The following DOCK2 variants were observed in gnomAD, a reference collection of about 807,000 sequenced individuals.
The protein encoded by DOCK2 is dedicator of cytokinesis protein 2.
DOCK2 carries 87 observed loss-of-function variants against 248.9 expected under a neutral mutation model. The ratio of observed to expected loss-of-function variants is 0.35; its 90% CI spans 0.29 to 0.42. DOCK2 has a LOEUF of 0.42. DOCK2 is among the 10% of genes least tolerant of loss of function. DOCK2 has a pLI of 1.00. For missense variants in DOCK2, 1,747 were observed against 2,300.2 expected, an observed-to-expected ratio of 0.76 and a Z score of 4.92; for synonymous variants, 805 against 821.6, an observed-to-expected ratio of 0.98 and a Z score of 0.35.
chr5:170,079,951 C>T, intron 49 of DOCK2: 5 of 620,878 alleles, frequency 8.1e-6, no homozygotes, highest in Non-Finnish European at 1.3e-5. Context: ...TGAATGTCCG[C>T]CACCCCCGCC....
At chr5:169,913,000 G>A (rs1774692687) in intron 27 of DOCK2, among the ~76,000 whole-genome samples, 1 of 152,094 alleles carries the variant, frequency 6.6e-6, no homozygotes, top group African/African-American at 2.4e-5. Context: ...TGATTTCTTG[G>A]TAGTAAATTG....
rs881312 is a variant in DOCK2, at chr5:169,694,623, A to C, written c.844-1180A>C. ...ACTTCAGAGATGTGAGAGATTGAATATGGTGATGCAGGAATCACTTAGCAC... is the reference window on the plus strand; with the variant it reads ...ACTTCAGAGATGTGAGAGATTGAATCTGGTGATGCAGGAATCACTTAGCAC... On this transcript the variant is annotated intron_variant, in intron 9 of 51. Transcript: ENST00000520908. 3.2e-4 allele frequency among the ~76,000 whole-genome samples: 48 copies of C among 152,340 alleles called. No individual in the cohort carries two copies. In the East Asian group the frequency reaches 9.1e-3, roughly 29 times the overall value.
At chr5:169,806,302 GTTAA>G (rs1159758426) in intron 26 of DOCK2, among the ~76,000 whole-genome samples, 1 of 93,162 alleles carries the variant, frequency 1.1e-5, no homozygotes, top group African/African-American at 3.5e-5. Flanking sequence ...ACCACACTTG[GTTAA>G]TTAGTTAATT....
chr5:170,035,312 A>C (rs1756286371), intron 35 of DOCK2, among the ~76,000 whole-genome samples: 1 of 151,920 alleles, frequency 6.6e-6, no homozygotes, highest in Non-Finnish European at 1.5e-5. Context: ...CATCACATCA[A>C]CCTCCCTACC....
rs149941920 is a variant in DOCK2, at chr5:169,775,718, G to A, written c.2554+14093G>A. ...GCCAGAATTCAGTGGAAACAGGGCT[G>A]TTGGAACATTGGGGACAGTTTTATG... On this transcript the variant is annotated intron_variant, in intron 25 of 51. Transcript: ENST00000520908. Among the ~76,000 whole-genome samples, 79 of 152,198 alleles carry A rather than the reference G, an allele frequency of 5.2e-4. 1 individual carries two copies. Among genetic ancestry groups the A allele is most frequent in the Middle Eastern group, 6.8e-3 (2 of 294 alleles).
chr5:169,788,775 T>C lies in DOCK2; in HGVS notation c.2555-14283T>C, dbSNP rs191968273. 1.1e-4 allele frequency among the ~76,000 whole-genome samples: 17 copies of C among 152,314 alleles called. No individual in the cohort carries two copies. The East Asian group carries it at 2.1e-3, about 19-fold the overall frequency. Reference sequence around the variant, plus strand: ...ATGTGCAAAATTACTTGCAATTTCATAGGAGTACAATTGTAGATTCATGTT... The same window carrying C: ...ATGTGCAAAATTACTTGCAATTTCACAGGAGTACAATTGTAGATTCATGTT... On this transcript the variant is annotated intron_variant, in intron 25 of 51. Coordinates refer to ENST00000520908, the MANE Select transcript of DOCK2 (RefSeq NM_004946.3).
chr5:169,640,186 T>C (rs1757074860), intron 1 of DOCK2, among the ~76,000 whole-genome samples: 10 of 152,250 alleles, frequency 6.6e-5, no homozygotes, highest in Admixed American at 5.2e-4. Context: ...TCTGAGACAC[T>C]GATGACTGGG....
In DOCK2 at chr5:169,743,761, C is replaced by G. The variant is rs557602343; in HGVS notation, c.2268-3635C>G. Among the ~76,000 whole-genome samples the G allele has an allele frequency of 8.6e-5, 13 of 150,928 alleles. No individual in the cohort carries two copies. In the South Asian group the frequency reaches 2.7e-3, roughly 31 times the overall value. On this transcript the variant is annotated intron_variant, in intron 22 of 51. Transcript: ENST00000520908. ...TAGTCATGTCCTGTGACTCTTCTTC[C>G]CATTCCCAGCCATTCTTCAGCTAAA...
At chr5:169,653,660 G>A (rs1007781041) in intron 1 of DOCK2, among the ~76,000 whole-genome samples, 1 of 152,176 alleles carries the variant, frequency 6.6e-6, no homozygotes, top group African/African-American at 2.4e-5. Flanking sequence ...AGCCTCCTGT[G>A]GCCCCCATGC....
intron 2 of DOCK2, among the ~76,000 whole-genome samples, chr5:169,664,987 T>G (rs549500718): frequency 6.8e-6 from 1 of 147,868 alleles, no homozygotes; most frequent in African/African-American, 2.5e-5. Flanking sequence ...TATCTATATA[T>G]GTTTATATAT....
At chr5:169,800,070 G>A (rs1766874920) in intron 25 of DOCK2, among the ~76,000 whole-genome samples, 1 of 152,122 alleles carries the variant, frequency 6.6e-6, no homozygotes, top group Admixed American at 6.5e-5. Context: ...CTCCCAAAGT[G>A]CTGCAATTAT....
chr5:169,869,403 A>T (rs1771797802), intron 27 of DOCK2, among the ~76,000 whole-genome samples: 1 of 152,260 alleles, frequency 6.6e-6, no homozygotes, highest in Non-Finnish European at 1.5e-5. Flanking sequence ...AATATGGAGA[A>T]GTGTGTGTGC....
intron 27 of DOCK2, among the ~76,000 whole-genome samples, chr5:169,970,021 C>CT (rs1777442818): frequency 6.6e-6 from 1 of 152,234 alleles, no homozygotes; most frequent in South Asian, 2.1e-4. Context: ...GGCCTACAGG[C>CT]TGCCTTTTTG....
chr5:169,680,585 G>A (rs1428518869), intron 6 of DOCK2, among the ~76,000 whole-genome samples: 1 of 152,158 alleles, frequency 6.6e-6, no homozygotes, highest in Admixed American at 6.5e-5. Context: ...GCTGGGCATG[G>A]TGGCATGTGC....
intron 10 of DOCK2, 104 bp downstream of exon 10, chr5:169,696,042 C>T (rs1760605193): frequency 2.1e-6 from 3 of 1,419,254 alleles, no homozygotes; most frequent in Non-Finnish European, 2.8e-6. Flanking sequence ...CTGCCCCCAC[C>T]CCTGCAAAAT....
At chr5:169,880,070 AT>A (rs1204008846) in intron 27 of DOCK2, among the ~76,000 whole-genome samples, 1 of 152,214 alleles carries the variant, frequency 6.6e-6, no homozygotes, top group Non-Finnish European at 1.5e-5. Flanking sequence ...GTTAGAAGAT[AT>A]AAAAAAAGAA....
At chr5:169,822,240 A>G (rs1014303304) in intron 26 of DOCK2, among the ~76,000 whole-genome samples, 1 of 152,228 alleles carries the variant, frequency 6.6e-6, no homozygotes, top group East Asian at 1.9e-4. Flanking sequence ...ATATCCAGGA[A>G]TTGAACTCAG....
At chr5:170,027,467 G>A (rs1755957834) in intron 33 of DOCK2, among the ~76,000 whole-genome samples, 1 of 152,154 alleles carries the variant, frequency 6.6e-6, no homozygotes, top group African/African-American at 2.4e-5. Context: ...ATATCTCCAT[G>A]CCTGTGCACA....
chr5:170,070,531 C>T (rs1243066616), intron 46 of DOCK2, among the ~76,000 whole-genome samples: 3 of 152,146 alleles, frequency 2.0e-5, no homozygotes, highest in African/African-American at 4.8e-5. Flanking sequence ...CCAAATATCC[C>T]CCAGGTCCCC....
Sources: gnomAD v4.1 joint callset for allele counts (sites outside exome capture counted in the v4.1 genomes callset) on GRCh38, gnomAD v4.1.1 for gene constraint, MANE v1.5 for transcripts, NCBI Gene and HGNC (gene_info 2026-07-23, HGNC 2026-07-21) for gene names.